BTG4: variants seen among roughly 807,000 people sequenced by gnomAD.
The protein encoded by BTG4 is BTG anti-proliferation factor 4, also known as protein BTG4.
In BTG4, 10 loss-of-function variants were observed where a neutral mutation model predicts 19.3. The ratio of observed to expected loss-of-function variants is 0.52; its 90% CI spans 0.32 to 0.88. The LOEUF (loss-of-function observed/expected upper bound fraction) is 0.88. Among genes scored for constraint, BTG4 ranks in the 40% least tolerant of loss-of-function variants. BTG4 has a pLI of 0.04. For synonymous variants in BTG4, 91 were observed against 95.7 expected (o/e 0.95, Z 0.29); for missense variants, 238 against 281.9 (o/e 0.84, Z 1.11).
At chr11:111,444,182 G>GGTGTGT in the BTG4 span, among the ~76,000 whole-genome samples, 1 of 131,786 alleles carries the variant, frequency 7.6e-6, no homozygotes, top group Non-Finnish European at 1.7e-5. Flanking sequence ...TACCCTGAGG[G>GGTGTGT]GTGTGTGTGT....
At chr11:111,473,990 C>G (rs1483241760) in intron 5 of BTG4, among the ~76,000 whole-genome samples, 1 of 152,128 alleles carries the variant, frequency 6.6e-6, no homozygotes, top group East Asian at 1.9e-4. Context: ...CAAATCATCA[C>G]TAATATTTTG....
chr11:111,408,282 T>C, the BTG4 span, among the ~76,000 whole-genome samples: 1 of 152,206 alleles, frequency 6.6e-6, no homozygotes, highest in Non-Finnish European at 1.5e-5. Flanking sequence ...TTTTGTCTCC[T>C]GTTTGGTGAG....
At chr11:111,391,964 C>A in the BTG4 span, among the ~76,000 whole-genome samples, 2 of 152,080 alleles carry the variant, frequency 1.3e-5, no homozygotes, top group Non-Finnish European at 2.9e-5. Context: ...CGTGTCTCTG[C>A]ATTCTCGGAA....
intron 5 of BTG4, among the ~76,000 whole-genome samples, chr11:111,488,361 A>G (rs932047219): frequency 1.3e-5 from 2 of 152,188 alleles, no homozygotes; most frequent in African/African-American, 4.8e-5. Flanking sequence ...GGACAGTCTC[A>G]TCAATAAATA....
the BTG4 span, chr11:111,454,343 C>T: frequency 2.2e-6 from 1 of 455,336 alleles, no homozygotes; most frequent in Non-Finnish European, 4.4e-6. Flanking sequence ...CAAACTCAGC[C>T]ACACGAAGGA....
At chr11:111,409,418 A>G in the BTG4 span, among the ~76,000 whole-genome samples, 57 of 152,184 alleles carry the variant, frequency 3.7e-4, no homozygotes, top group African/African-American at 1.3e-3. Context: ...TGAGAAATGG[A>G]TTGGTTCTTG....
chr11:111,490,257 G>A (rs554509837), downstream of BTG4, among the ~76,000 whole-genome samples: 16 of 150,272 alleles, frequency 1.1e-4, no homozygotes, highest in African/African-American at 3.4e-4. Flanking sequence ...TGGGCAACGA[G>A]AGCAAAACTC....
chr11:111,410,092 A>G, the BTG4 span, among the ~76,000 whole-genome samples: 3 of 152,152 alleles, frequency 2.0e-5, no homozygotes, highest in South Asian at 6.2e-4. Flanking sequence ...GTCTGTTACT[A>G]ACCTGCAATA....
downstream of BTG4, chr11:111,494,747 G>A (rs1407143244): frequency 2.7e-6 from 1 of 374,288 alleles, no homozygotes; most frequent in East Asian, 1.7e-4. Flanking sequence ...ACAAAGATAG[G>A]GAGACCCCTT....
the BTG4 span, among the ~76,000 whole-genome samples, chr11:111,402,448 C>G: frequency 6.6e-6 from 1 of 152,278 alleles, no homozygotes; most frequent in African/African-American, 2.4e-5. Flanking sequence ...CACACACATA[C>G]AGTCAGAGAG....
the BTG4 span, among the ~76,000 whole-genome samples, chr11:111,442,352 T>C: frequency 1.3e-5 from 2 of 151,352 alleles, no homozygotes; most frequent in East Asian, 3.9e-4. Context: ...ATACAAAAAA[T>C]TAGCCAGGCA....
At chr11:111,440,592 C>T in the BTG4 span, among the ~76,000 whole-genome samples, 1 of 152,366 alleles carries the variant, frequency 6.6e-6, no homozygotes, top group East Asian at 1.9e-4. Flanking sequence ...CTGCCTCTTA[C>T]CTACCTTGGC....
In BTG4 at chr11:111,494,868, T is replaced by C; in HGVS notation, c.*267A>G. 1 of 980,418 alleles carries C rather than the reference T, an allele frequency of 1.0e-6. No homozygotes were observed. The highest frequency in any genetic ancestry group is 1.2e-6 in the Non-Finnish European group (1 of 825,392). 60.7% of individuals were successfully genotyped at this position (980,418 alleles called of 1,614,324 possible). On this transcript the variant is annotated 3_prime_UTR_variant, in exon 5 of 5. Transcript: ENST00000692032. ...CCATTACTTTTCATAATTCATTGAGTCTTATTAGAGGTCAACATCTTCATT... is the reference window on the plus strand; with the variant it reads ...CCATTACTTTTCATAATTCATTGAGCCTTATTAGAGGTCAACATCTTCATT...
rs1314904350 is a variant in BTG4 at position 111,509,905 on chromosome 11, TTTTTTC to T, written c.-27+2270_-27+2275del. ...TCTCCATCTTTTTTTTTCTTTTTTC[TTTTTTC>T]TTTTTTTTTTTTTTTTTTGAGATGG... is the stretch of plus-strand genomic sequence containing the variant. On this transcript the variant is annotated intron_variant, in intron 1 of 4. Transcript: ENST00000692032. Among the ~76,000 whole-genome samples, 338 of 148,504 alleles carry T rather than the reference TTTTTTC, an allele frequency of 2.3e-3. 2 individuals are homozygous for T. Among genetic ancestry groups the T allele is most frequent in the Admixed American group, 3.2e-3 (47 of 14,682 alleles).
At chr11:111,422,310 G>C in the BTG4 span, among the ~76,000 whole-genome samples, 2 of 152,268 alleles carry the variant, frequency 1.3e-5, no homozygotes, top group Non-Finnish European at 2.9e-5. Context: ...TAAGGGCAGA[G>C]TGGTTCTGAA....
chr11:111,407,719 C>A, the BTG4 span, among the ~76,000 whole-genome samples: 1 of 152,188 alleles, frequency 6.6e-6, no homozygotes, highest in African/African-American at 2.4e-5. Context: ...CAAAAGCCAG[C>A]TCATAAGCAT....
At chr11:111,393,422 C>T in the BTG4 span, among the ~76,000 whole-genome samples, 1 of 152,178 alleles carries the variant, frequency 6.6e-6, no homozygotes, top group Non-Finnish European at 1.5e-5. Context: ...TGCACAGAAC[C>T]CACGGGTGCC....
At chr11:111,433,847 G>C in the BTG4 span, among the ~76,000 whole-genome samples, 8 of 152,198 alleles carry the variant, frequency 5.3e-5, no homozygotes, top group Non-Finnish European at 1.2e-4. Flanking sequence ...AAACCACAGG[G>C]AGATACCATC....
At chr11:111,455,180 C>A in the BTG4 span, 11 of 411,716 alleles carry the variant, frequency 2.7e-5, no homozygotes, top group East Asian at 7.2e-4. Context: ...CTTAGCACCT[C>A]CCCAACCTGT....
Sources: allele counts gnomAD v4.1 joint callset (sites outside exome capture counted in the v4.1 genomes callset), GRCh38; gene constraint gnomAD v4.1.1; transcripts MANE v1.5; gene names NCBI Gene and HGNC (gene_info 2026-07-23, HGNC 2026-07-21).